DLGAP2: variants seen among roughly 807,000 people sequenced by gnomAD.
DLGAP2 encodes DLG associated protein 2.
In DLGAP2, 26 loss-of-function variants were observed where a neutral mutation model predicts 100.3. The ratio of observed to expected loss-of-function variants is 0.26; its 90% confidence interval spans 0.19 to 0.36. The LOEUF is 0.36. Among genes scored for constraint, DLGAP2 ranks in the 10% least tolerant of loss-of-function variants. The pLI is 1.00. For missense variants in DLGAP2, 1,858 were observed against 1,453.2 expected (o/e 1.28, Z -4.53); for synonymous variants, 886 against 630.1 (o/e 1.41, Z -6.08).
chr8:1,459,810 C>T (rs549148401), intron 3 of DLGAP2, among the ~76,000 whole-genome samples: 7 of 151,744 alleles, frequency 4.6e-5, no homozygotes, highest in East Asian at 1.9e-4. Flanking sequence ...GTCAGCCTCC[C>T]GAGTAGCGGG....
At chr8:1,603,377 G>A (rs11994543) in intron 6 of DLGAP2, among the ~76,000 whole-genome samples, 3,821 of 144,358 alleles carry the variant, frequency 0.026, 289 homozygotes, top group African/African-American at 0.1. Context: ...TAGAATGGAG[G>A]CTGGGTCTCA....
At chr8:883,460 A>G (rs1797852469) in intron 1 of DLGAP2, 1 of 151,872 alleles carries the variant, frequency 6.6e-6, no homozygotes. Flanking sequence ...AAATACAATA[A>G]TGCTTTTATT....
chr8:802,399 G>C (rs1015052250), intron 1 of DLGAP2, among the ~76,000 whole-genome samples: 3 of 152,124 alleles, frequency 2.0e-5, no homozygotes, highest in Non-Finnish European at 4.4e-5. Context: ...CCTGGTTGAA[G>C]TCAGTGCTCT....
At chr8:1,077,124 G>A (rs924466969) in intron 2 of DLGAP2, among the ~76,000 whole-genome samples, 7 of 152,134 alleles carry the variant, frequency 4.6e-5, no homozygotes, top group Non-Finnish European at 5.9e-5. Flanking sequence ...TGATAGTCCC[G>A]ATCCCAGCCT....
intron 3 of DLGAP2, among the ~76,000 whole-genome samples, chr8:1,351,429 T>C (rs1585288939): frequency 2.5e-5 from 1 of 39,768 alleles, no homozygotes; most frequent in Non-Finnish European, 5.2e-5. Flanking sequence ...CCTGACTGTG[T>C]GTGGAAAGGC....
chr8:1,500,215 T>G (rs1269913236), intron 3 of DLGAP2, among the ~76,000 whole-genome samples: 2 of 152,238 alleles, frequency 1.3e-5, no homozygotes, highest in African/African-American at 4.8e-5. Context: ...AATTCTCCCT[T>G]ATCTGATGCT....
chr8:1,469,746 C>A (rs1055001407), intron 3 of DLGAP2, among the ~76,000 whole-genome samples: 6 of 152,036 alleles, frequency 3.9e-5, no homozygotes, highest in African/African-American at 1.4e-4. Flanking sequence ...TAAAACCAAC[C>A]CCAGAAATGG....
intron 3 of DLGAP2, among the ~76,000 whole-genome samples, chr8:1,498,807 G>A (rs1283324234): frequency 6.6e-6 from 1 of 152,202 alleles, no homozygotes; most frequent in African/African-American, 2.4e-5. Context: ...GTGCTGCCCT[G>A]TACAAAATGT....
intron 1 of DLGAP2, among the ~76,000 whole-genome samples, chr8:900,310 C>T (rs1251313260): frequency 1.4e-5 from 2 of 147,524 alleles, no homozygotes; most frequent in African/African-American, 5.1e-5. Flanking sequence ...ACGGTGGGCG[C>T]CCTCCTCTTC....
At chr8:1,474,976 A>C (rs1357948655) in intron 3 of DLGAP2, among the ~76,000 whole-genome samples, 5 of 152,242 alleles carry the variant, frequency 3.3e-5, no homozygotes, top group African/African-American at 9.6e-5. Context: ...ACATGGCCTC[A>C]ACCTAGATGC....
intron 3 of DLGAP2, chr8:1,302,671 T>C (rs1007135202): frequency 9.9e-5 from 15 of 152,262 alleles, no homozygotes; most frequent in African/African-American, 3.6e-4. Flanking sequence ...GAGTCCTCTA[T>C]TTAGTCATCA....
intron 6 of DLGAP2, among the ~76,000 whole-genome samples, chr8:1,612,450 C>G (rs1284867164): frequency 1.4e-5 from 2 of 141,744 alleles, no homozygotes; most frequent in African/African-American, 2.6e-5. Flanking sequence ...AGAAGAAAAC[C>G]TAGGCATTAC....
chr8:813,228 G>T (rs558366624), intron 1 of DLGAP2, among the ~76,000 whole-genome samples: 1 of 151,298 alleles, frequency 6.6e-6, no homozygotes, highest in Non-Finnish European at 1.5e-5. Context: ...CTGTTATCTC[G>T]TGGATATCCT....
chr8:1,112,767 G>A lies in DLGAP2; in HGVS notation c.74-146084G>A, dbSNP rs1805001085. Among the ~76,000 whole-genome samples, 2 of 152,280 alleles carry A rather than the reference G, an allele frequency of 1.3e-5. 1 individual carries two copies. The highest frequency in any genetic ancestry group is 4.1e-4 in the South Asian group (2 of 4,826). The stretch of plus-strand genomic sequence containing the variant: ...TCCCCTTTTGTTGCAGAAATTGCAT[G>A]AATCATGAAATCTTTGCTCATTCAG... On this transcript the variant is annotated intron_variant, in intron 2 of 14. Coordinates refer to ENST00000637795, the MANE Select transcript of DLGAP2 (RefSeq NM_001346810.2).
intron 3 of DLGAP2, among the ~76,000 whole-genome samples, chr8:1,411,560 T>G (rs1300906780): frequency 6.6e-6 from 1 of 152,138 alleles, no homozygotes; most frequent in African/African-American, 2.4e-5. Context: ...TTGGGCAGAT[T>G]AAACGAGGTA....
intron 3 of DLGAP2, among the ~76,000 whole-genome samples, chr8:1,482,201 G>A (rs1310662711): frequency 1.3e-5 from 2 of 152,208 alleles, no homozygotes; most frequent in Non-Finnish European, 2.9e-5. Context: ...GGGTTTTAAG[G>A]ATATTTTGAG....
At chr8:1,293,961 C>T (rs371730071) in intron 3 of DLGAP2, among the ~76,000 whole-genome samples, 2 of 152,096 alleles carry the variant, frequency 1.3e-5, no homozygotes, top group African/African-American at 4.8e-5. Context: ...TACCTTGCAC[C>T]GTATTGGAAA....
rs1302374301 is a variant in DLGAP2, at chr8:1,282,040, A to G, written c.106+23157A>G. ...TGACCTGAACCCAGCACCATGAACC[A>G]TCCGGACGTGGTGTGACCTGAACCC... is the stretch of plus-strand genomic sequence containing the variant. On this transcript the variant is annotated intron_variant, in intron 3 of 14. Coordinates refer to ENST00000637795, the MANE Select transcript of DLGAP2 (RefSeq NM_001346810.2). Among the ~76,000 whole-genome samples, 4 of 146,188 alleles carry G rather than the reference A, an allele frequency of 2.7e-5. 1 individual carries two copies. The highest frequency in any genetic ancestry group is 1.1e-4 in the African/African-American group (4 of 36,838).
intron 1 of DLGAP2, among the ~76,000 whole-genome samples, chr8:830,498 G>A (rs772849182): frequency 1.3e-5 from 2 of 152,048 alleles, no homozygotes; most frequent in South Asian, 2.1e-4. Context: ...CTCTATCTCC[G>A]TGAGTTAGGT....
Sources: allele counts gnomAD v4.1 joint callset (sites outside exome capture counted in the v4.1 genomes callset), GRCh38; gene constraint gnomAD v4.1.1; transcripts MANE v1.5; gene names NCBI Gene and HGNC (gene_info 2026-07-23, HGNC 2026-07-21).